Variants in SLC39A11 observed in about 807,000 individuals in gnomAD.
SLC39A11 encodes zinc transporter ZIP11.
A neutral mutation model predicts 36.1 loss-of-function variants in SLC39A11; 33 were observed. That is an observed-to-expected ratio of 0.91 (90% CI 0.69 to 1.22). The LOEUF is 1.22. Ranked by LOEUF, SLC39A11 falls within the 50% of genes most tolerant of loss-of-function variation. The pLI, the probability that SLC39A11 is intolerant of heterozygous loss-of-function variation, is 0.00. For synonymous variants in SLC39A11, 166 were observed against 170.3 expected (o/e 0.97, Z 0.20); for missense variants, 432 against 430.3 (o/e 1.00, Z -0.03).
chr17:72,753,047 C>G (rs1179890113), intron 6 of SLC39A11, among the ~76,000 whole-genome samples: 2 of 151,090 alleles, frequency 1.3e-5, no homozygotes, highest in Non-Finnish European at 3.0e-5. Context: ...TTGTAGAGAC[C>G]ATGTCTTCAT....
At chr17:72,669,112 A>G (rs1440720261) in intron 7 of SLC39A11, among the ~76,000 whole-genome samples, 1 of 152,210 alleles carries the variant, frequency 6.6e-6, no homozygotes, top group Non-Finnish European at 1.5e-5. Flanking sequence ...AATTTTCTGG[A>G]TGGGATAACC....
intron 3 of SLC39A11, among the ~76,000 whole-genome samples, chr17:73,061,746 G>A (rs1283400151): frequency 6.6e-6 from 1 of 152,190 alleles, no homozygotes; most frequent in Non-Finnish European, 1.5e-5. Context: ...TACAATCTCA[G>A]CACTTTGGGA....
intron 7 of SLC39A11, among the ~76,000 whole-genome samples, chr17:72,670,921 C>T (rs1467702363): frequency 1.3e-5 from 2 of 152,188 alleles, no homozygotes; most frequent in African/African-American, 4.8e-5. Flanking sequence ...TCCAGAGGCG[C>T]TCACTGTTAC....
chr17:72,682,875 C>A (rs2071566937), intron 7 of SLC39A11, among the ~76,000 whole-genome samples: 1 of 152,216 alleles, frequency 6.6e-6, no homozygotes, highest in Non-Finnish European at 1.5e-5. Flanking sequence ...AAGTTCACAT[C>A]TTCTCCCATC....
At chr17:72,848,286 T>C (rs2079141009) in intron 6 of SLC39A11, among the ~76,000 whole-genome samples, 1 of 152,236 alleles carries the variant, frequency 6.6e-6, no homozygotes, top group Non-Finnish European at 1.5e-5. Flanking sequence ...ATTGCTCAGG[T>C]TCCCTCAGTT....
At chr17:73,055,883 A>G (rs937793935) in intron 3 of SLC39A11, among the ~76,000 whole-genome samples, 1 of 152,232 alleles carries the variant, frequency 6.6e-6, no homozygotes, top group Non-Finnish European at 1.5e-5. Context: ...TCTTCTGTCC[A>G]TAAATGTCCC....
chr17:73,030,549 T>A (rs1434035514), intron 4 of SLC39A11, among the ~76,000 whole-genome samples: 2 of 152,148 alleles, frequency 1.3e-5, no homozygotes, highest in Non-Finnish European at 2.9e-5. Flanking sequence ...TCTGACTTAA[T>A]CCTGTCTCAC....
intron 6 of SLC39A11, among the ~76,000 whole-genome samples, chr17:72,806,093 G>C (rs181801335): frequency 6.6e-6 from 1 of 152,186 alleles, no homozygotes; most frequent in Admixed American, 6.5e-5. Flanking sequence ...TTAAAGCTGG[G>C]AAACGAAGAG....
intron 7 of SLC39A11, among the ~76,000 whole-genome samples, chr17:72,693,480 C>A (rs965437253): frequency 6.6e-6 from 1 of 152,258 alleles, no homozygotes; most frequent in African/African-American, 2.4e-5. Flanking sequence ...AGCCTTTAAA[C>A]ATTATTAAAA....
intron 4 of SLC39A11, among the ~76,000 whole-genome samples, chr17:72,965,790 C>T (rs1298016183): frequency 6.6e-6 from 1 of 152,204 alleles, no homozygotes; most frequent in Admixed American, 6.5e-5. Flanking sequence ...CAAGGTGCCA[C>T]ACCATGCCAA....
Position 72,667,236 on chromosome 17 carries a change from C to A in SLC39A11, c.672-17968G>T, listed in dbSNP as rs573721657. 8.5e-5 allele frequency among the ~76,000 whole-genome samples: 13 copies of A among 152,236 alleles called. 1 individual carries two copies. In the South Asian group the frequency reaches 2.7e-3, roughly 32 times the overall value. ...CTGAAGTCTAGCCCTGGACCCTCAC[C>A]CTCAAACAGCGGCATCTCCGTATGA... On this transcript the variant is annotated intron_variant, in intron 7 of 9. Transcript: ENST00000255559.
intron 6 of SLC39A11, among the ~76,000 whole-genome samples, chr17:72,830,764 C>A (rs1338684476): frequency 6.6e-6 from 1 of 152,124 alleles, no homozygotes; most frequent in African/African-American, 2.4e-5. Flanking sequence ...TTCATCAAAC[C>A]CCATGCATAC....
intron 3 of SLC39A11, among the ~76,000 whole-genome samples, chr17:73,059,532 G>A (rs1015566885): frequency 1.3e-5 from 2 of 151,916 alleles, no homozygotes; most frequent in African/African-American, 4.8e-5. Flanking sequence ...CCGGGCATGG[G>A]GGCGGCTGCC....
At chr17:73,080,486 A>C (rs1430632543) in intron 3 of SLC39A11, among the ~76,000 whole-genome samples, 2 of 152,212 alleles carry the variant, frequency 1.3e-5, no homozygotes, top group African/African-American at 4.8e-5. Flanking sequence ...AAATCAACTT[A>C]AGATGGATCA....
intron 5 of SLC39A11, among the ~76,000 whole-genome samples, chr17:72,920,578 C>T (rs1169342815): frequency 6.6e-6 from 1 of 151,596 alleles, no homozygotes; most frequent in East Asian, 1.9e-4. Flanking sequence ...AAACCCCATA[C>T]ACACACACCC....
At chr17:73,050,347 C>G (rs1193415620) in intron 3 of SLC39A11, among the ~76,000 whole-genome samples, 1 of 141,582 alleles carries the variant, frequency 7.1e-6, no homozygotes, top group Non-Finnish European at 1.5e-5. Context: ...AAAAAAAGAC[C>G]TTGGCAGAAG....
At chr17:72,960,947 G>C (rs1361115675) in intron 4 of SLC39A11, among the ~76,000 whole-genome samples, 3 of 152,170 alleles carry the variant, frequency 2.0e-5, no homozygotes, top group Non-Finnish European at 4.4e-5. Flanking sequence ...GAGGAAAAAA[G>C]GTTAAAGTAT....
At chr17:72,953,846 G>A (rs1437883847) in intron 4 of SLC39A11, among the ~76,000 whole-genome samples, 3 of 152,154 alleles carry the variant, frequency 2.0e-5, no homozygotes, top group African/African-American at 7.2e-5. Flanking sequence ...TCTGAGGATG[G>A]CAAAACAAAG....
chr17:72,679,648 C>T (rs2071423673), intron 7 of SLC39A11, among the ~76,000 whole-genome samples: 1 of 152,146 alleles, frequency 6.6e-6, no homozygotes, highest in Non-Finnish European at 1.5e-5. Context: ...TGTGTAGAGA[C>T]ATGTTGCAGG....
Sources: gnomAD v4.1 joint callset for allele counts (sites outside exome capture counted in the v4.1 genomes callset) on GRCh38, gnomAD v4.1.1 for gene constraint, MANE v1.5 for transcripts, NCBI Gene and HGNC (gene_info 2026-07-23, HGNC 2026-07-21) for gene names.